ERBB4: variants seen among roughly 807,000 people sequenced by gnomAD.
ERBB4 encodes the protein receptor tyrosine-protein kinase erbB-4.
ERBB4 carries 42 observed loss-of-function variants against 158.0 expected under a neutral mutation model. The ratio of observed to expected loss-of-function variants is 0.27; its 90% CI spans 0.21 to 0.34. The LOEUF (loss-of-function observed/expected upper bound fraction) is 0.34. ERBB4 is among the 10% of genes least tolerant of loss of function. ERBB4 has a pLI of 1.00. For missense variants in ERBB4, 1,333 were observed against 1,624.1 expected, an observed-to-expected ratio of 0.82 and a Z score of 3.08; for synonymous variants, 583 against 558.7, an observed-to-expected ratio of 1.04 and a Z score of -0.61.
At chr2:211,394,348 G>A (rs539411148) in intron 25 of ERBB4, among the ~76,000 whole-genome samples, 1 of 152,196 alleles carries the variant, frequency 6.6e-6, no homozygotes, top group Non-Finnish European at 1.5e-5. Context: ...TCTTTACCCT[G>A]GTGCAAGTTC....
chr2:212,508,468 CTT>C (rs1023673526), intron 1 of ERBB4, among the ~76,000 whole-genome samples: 5 of 152,084 alleles, frequency 3.3e-5, no homozygotes, highest in African/African-American at 1.2e-4. Context: ...AATCAATTAT[CTT>C]GAGATAATTT....
In ERBB4 at chr2:212,363,755, G is replaced by A. The variant is rs530392587; in HGVS notation, c.82+174694C>T. On this transcript the variant is annotated intron_variant, in intron 1 of 27. Coordinates refer to ENST00000342788, the MANE Select transcript of ERBB4 (RefSeq NM_005235.3). ...TGGAAAATTAATTGGATTTACAAAC[G>A]GATTTACACTACTTCACAATTGGTA... Among the ~76,000 whole-genome samples the A allele has an allele frequency of 1.6e-4, 24 of 151,500 alleles. 1 individual carries two copies. Among genetic ancestry groups the A allele is most frequent in the Admixed American group, 8.6e-4 (13 of 15,138 alleles).
chr2:211,732,931 C>G (rs2074474927), intron 5 of ERBB4, among the ~76,000 whole-genome samples: 1 of 152,146 alleles, frequency 6.6e-6, no homozygotes, highest in Non-Finnish European at 1.5e-5. Flanking sequence ...GAGCCAAGAT[C>G]ATGCCATTGC....
At chr2:212,535,847 A>T (rs1362083895) in intron 1 of ERBB4, among the ~76,000 whole-genome samples, 1 of 152,234 alleles carries the variant, frequency 6.6e-6, no homozygotes, top group Non-Finnish European at 1.5e-5. Context: ...TATCTTAAAG[A>T]TCTATACAAC....
chr2:211,544,564 G>T (rs1475794810), intron 20 of ERBB4, among the ~76,000 whole-genome samples: 2 of 151,900 alleles, frequency 1.3e-5, no homozygotes, highest in African/African-American at 2.4e-5. Context: ...TTAAGTCCCA[G>T]TTTTTTCAGG....
rs2083174977 is a variant in ERBB4, at chr2:212,218,376, ACATC to A, written c.83-93477_83-93474del. Among the ~76,000 whole-genome samples, 4 of 151,444 alleles carry A rather than the reference ACATC, an allele frequency of 2.6e-5. No homozygotes were observed. The South Asian group carries it at 8.3e-4, about 31-fold the overall frequency. On this transcript the variant is annotated intron_variant, in intron 1 of 27. Coordinates refer to ENST00000342788, the MANE Select transcript of ERBB4 (RefSeq NM_005235.3). ...CTAACTCTATTCTTCAAAGAGTAAA[ACATC>A]CTGGCTACAGCATTCATCCCTTTGT... is the stretch of plus-strand genomic sequence containing the variant.
chr2:211,827,241 A>G (rs1338947761), intron 3 of ERBB4, among the ~76,000 whole-genome samples: 1 of 152,038 alleles, frequency 6.6e-6, no homozygotes, highest in Non-Finnish European at 1.5e-5. Flanking sequence ...TTACTCATTC[A>G]TTCATTCACA....
At chr2:211,768,368 G>T (rs1370911170) in intron 4 of ERBB4, among the ~76,000 whole-genome samples, 1 of 152,198 alleles carries the variant, frequency 6.6e-6, no homozygotes, top group Admixed American at 6.5e-5. Context: ...GGGGTCCAAA[G>T]GATGGTGGCC....
chr2:212,117,832 A>G (rs1347396155), intron 2 of ERBB4, among the ~76,000 whole-genome samples: 2 of 152,180 alleles, frequency 1.3e-5, no homozygotes, highest in African/African-American at 2.4e-5. Flanking sequence ...TCTCTCCAAC[A>G]TAATTTCTGC....
chr2:211,939,735 C>G (rs955638741), intron 3 of ERBB4, among the ~76,000 whole-genome samples: 1 of 152,082 alleles, frequency 6.6e-6, no homozygotes, highest in East Asian at 1.9e-4. Flanking sequence ...ATCACGAGGT[C>G]AGGAGATCGA....
intron 19 of ERBB4, among the ~76,000 whole-genome samples, chr2:211,598,735 T>A (rs957570241): frequency 6.6e-6 from 1 of 152,244 alleles, no homozygotes; most frequent in African/African-American, 2.4e-5. Flanking sequence ...CTCCTACTTT[T>A]GAAATTCTTC....
chr2:211,619,171 A>G lies in ERBB4; in HGVS notation c.2301+6T>C. 6.5e-7 allele frequency: 1 copy of G among 1,538,560 alleles called. No homozygotes were observed. The highest frequency in any genetic ancestry group is 9.0e-7 in the Non-Finnish European group (1 of 1,111,252). Reference sequence around the variant, plus strand: ...AAAATGTGATTGCCTGGGTGTCTGTACTTACATCCATGAACTCCACATTTG... The same window carrying G: ...AAAATGTGATTGCCTGGGTGTCTGTGCTTACATCCATGAACTCCACATTTG... On this transcript the variant is annotated splice_donor_region_variant and intron_variant, in intron 19 of 27. Transcript: ENST00000342788.
At position 212,156,555 on chromosome 2, in the gene ERBB4, A is replaced by G. The variant is rs150713621; in HGVS notation, c.83-31652T>C. On this transcript the variant is annotated intron_variant, in intron 1 of 27. Transcript: ENST00000342788. ...CAGTATTCAAATATTTTAAACCACA[A>G]TATGATCTTCAACATAAGACAAGGA... 2.0e-3 allele frequency among the ~76,000 whole-genome samples: 299 copies of G among 152,250 alleles called. 5 individuals are homozygous for G. The highest frequency in any genetic ancestry group is 0.018 in the Admixed American group (271 of 15,276).
At chr2:211,492,542 A>T (rs1158682795) in intron 20 of ERBB4, among the ~76,000 whole-genome samples, 1 of 152,062 alleles carries the variant, frequency 6.6e-6, no homozygotes, top group African/African-American at 2.4e-5. Flanking sequence ...CCGATGAAAA[A>T]CCTGTGAGGT....
At chr2:212,438,198 T>C (rs531224729) in intron 1 of ERBB4, among the ~76,000 whole-genome samples, 4 of 151,698 alleles carry the variant, frequency 2.6e-5, no homozygotes, top group African/African-American at 9.7e-5. Context: ...CATTCTATAA[T>C]GGAAAGAAAA....
At chr2:212,288,783 T>A (rs1175173446) in intron 1 of ERBB4, among the ~76,000 whole-genome samples, 2 of 152,028 alleles carry the variant, frequency 1.3e-5, no homozygotes, top group Non-Finnish European at 2.9e-5. Context: ...TAGATCTTGA[T>A]CTAAGGCCCT....
At chr2:211,735,882 G>A (rs73985828) in intron 5 of ERBB4, among the ~76,000 whole-genome samples, 13,793 of 151,788 alleles carry the variant, frequency 0.091, 1,826 homozygotes, top group African/African-American at 0.29. Flanking sequence ...GCCAAGCAGA[G>A]TGGCTCACGT....
chr2:212,042,717 T>G lies in ERBB4; in HGVS notation c.234+82035A>C, dbSNP rs1435505276. Among the ~76,000 whole-genome samples, 7 of 152,244 alleles carry G rather than the reference T, an allele frequency of 4.6e-5. No homozygotes were observed. The East Asian group carries it at 1.4e-3, about 29-fold the overall frequency. On this transcript the variant is annotated intron_variant, in intron 2 of 27. Transcript: ENST00000342788. ...TCTCGCTCCTTGGTTAAAGACTTAC[T>G]TTAGTTCAAATAAACTTCGGAACTA...
chr2:212,187,962 C>T (rs984713928), intron 1 of ERBB4, among the ~76,000 whole-genome samples: 1 of 152,128 alleles, frequency 6.6e-6, no homozygotes, highest in Non-Finnish European at 1.5e-5. Context: ...AACAAGACAT[C>T]TAACTTCAAT....
Sources: allele counts gnomAD v4.1 joint callset (sites outside exome capture counted in the v4.1 genomes callset), GRCh38; gene constraint gnomAD v4.1.1; transcripts MANE v1.5; gene names NCBI Gene and HGNC (gene_info 2026-07-23, HGNC 2026-07-21).